Variants in DGKI observed in about 807,000 individuals in gnomAD.
DGKI encodes diacylglycerol kinase iota.
DGKI carries 55 observed loss-of-function variants against 147.5 expected under a neutral mutation model. The ratio of observed to expected loss-of-function variants is 0.37; its 90% CI spans 0.30 to 0.47. The LOEUF (loss-of-function observed/expected upper bound fraction) is 0.47, where lower values mean the gene tolerates loss of function less well. DGKI is among the 20% of genes least tolerant of loss of function. The pLI, the probability that DGKI is intolerant of heterozygous loss-of-function variation, is 1.00. For synonymous variants in DGKI, 469 were observed against 477.1 expected (o/e 0.98, Z 0.22); for missense variants, 1,007 against 1,323.8 (o/e 0.76, Z 3.71).
chr7:137,681,364 C>A (rs900251599), intron 2 of DGKI, among the ~76,000 whole-genome samples: 1 of 152,036 alleles, frequency 6.6e-6, no homozygotes, highest in African/African-American at 2.4e-5. Flanking sequence ...GGGTTCAGAC[C>A]CTAAAAGTTT....
chr7:137,548,276 C>T (rs992269907), intron 20 of DGKI, among the ~76,000 whole-genome samples: 5 of 152,088 alleles, frequency 3.3e-5, no homozygotes, highest in African/African-American at 1.2e-4. Context: ...AGATAGAGTT[C>T]AAAGAATGTA....
chr7:137,687,745 A>C (rs1585372036), intron 2 of DGKI, among the ~76,000 whole-genome samples: 1 of 152,176 alleles, frequency 6.6e-6, no homozygotes, highest in East Asian at 1.9e-4. Context: ...CTCCTTACAC[A>C]TCAGATCTCT....
chr7:137,474,423 C>A (rs1248707529), intron 23 of DGKI, among the ~76,000 whole-genome samples: 1 of 151,968 alleles, frequency 6.6e-6, no homozygotes, highest in African/African-American at 2.4e-5. Context: ...AAACAAGAAA[C>A]AAGAAAATCC....
intron 30 of DGKI, among the ~76,000 whole-genome samples, chr7:137,405,586 C>T (rs1037754432): frequency 2.6e-5 from 4 of 152,130 alleles, no homozygotes; most frequent in Non-Finnish European, 2.9e-5. Context: ...TTTCACAGCT[C>T]ATGCCATCAA....
intron 20 of DGKI, among the ~76,000 whole-genome samples, chr7:137,531,584 C>A (rs1029029243): frequency 2.0e-5 from 3 of 152,126 alleles, no homozygotes; most frequent in African/African-American, 7.2e-5. Flanking sequence ...ATTTAGATCT[C>A]ATGTGTTCAG....
intron 1 of DGKI, among the ~76,000 whole-genome samples, chr7:137,791,711 C>A (rs1796860564): frequency 6.6e-6 from 1 of 152,190 alleles, no homozygotes; most frequent in South Asian, 2.1e-4. Context: ...TAATTCCATT[C>A]CCTAACTCAT....
chr7:137,462,468 A>G (rs1294617478), intron 27 of DGKI, among the ~76,000 whole-genome samples: 1 of 152,200 alleles, frequency 6.6e-6, no homozygotes, highest in Non-Finnish European at 1.5e-5. Context: ...ATTAAAATGA[A>G]GTCTTCTGCC....
intron 29 of DGKI, among the ~76,000 whole-genome samples, chr7:137,409,886 G>A (rs372299343): frequency 6.7e-6 from 1 of 149,480 alleles, no homozygotes; most frequent in African/African-American, 2.4e-5. Context: ...CGCTCTCTTT[G>A]TCTCTCTCTC....
intron 5 of DGKI, among the ~76,000 whole-genome samples, chr7:137,652,257 C>T (rs187402309): frequency 3.2e-4 from 48 of 151,966 alleles, no homozygotes; most frequent in Non-Finnish European, 5.6e-4. Flanking sequence ...TATCCAAAAC[C>T]CTTATGGAAG....
In DGKI at chr7:137,645,508, C is replaced by A. The variant is rs773303437; in HGVS notation, c.768G>T (p.Arg256Ser). The A allele has an allele frequency of 5.0e-6, 8 of 1,612,640 alleles. No individual in the cohort carries two copies. The Admixed American group carries it at 1.2e-4, about 24-fold the overall frequency. Residue 256 changes from arginine to serine, a missense_variant, in exon 6 of 33, where the codon AGG (arginine) becomes AGT (serine). This residue lies in a region of DGKI where 259 missense variants were observed against 362.5 expected (regional missense o/e 0.71). Transcript: ENST00000614521. ...ENFVRHHWVHRRRQEGKCKQC... is the reference protein window; with the variant it reads ...ENFVRHHWVHSRRQEGKCKQC... ...GCTTACATTTCCCCTCCTGCCGACGCCTGTGCACCCAGTGATGACGTACAA... is the reference window on the plus strand; with the variant it reads ...GCTTACATTTCCCCTCCTGCCGACGACTGTGCACCCAGTGATGACGTACAA...
At chr7:137,589,751 A>G (rs899118086) in intron 12 of DGKI, among the ~76,000 whole-genome samples, 1 of 152,226 alleles carries the variant, frequency 6.6e-6, no homozygotes, top group African/African-American at 2.4e-5. Context: ...CCAGACTCAC[A>G]GACCCACCAG....
chr7:137,649,779 A>G (rs1308133030), intron 5 of DGKI, among the ~76,000 whole-genome samples: 1 of 148,404 alleles, frequency 6.7e-6, no homozygotes, highest in Non-Finnish European at 1.5e-5. Flanking sequence ...ATATGTATAT[A>G]TATATATATA....
intron 28 of DGKI, among the ~76,000 whole-genome samples, chr7:137,429,452 A>G (rs1252389134): frequency 2.6e-5 from 4 of 151,208 alleles, no homozygotes; most frequent in African/African-American, 9.7e-5. Context: ...TAAAAACCCT[A>G]GAAGAAAACC....
At chr7:137,597,464 CAT>C (rs1819836235) in intron 12 of DGKI, among the ~76,000 whole-genome samples, 1 of 151,024 alleles carries the variant, frequency 6.6e-6, no homozygotes, top group Non-Finnish European at 1.5e-5. Context: ...AAAAAAAAAA[CAT>C]AATAATTCAA....
chr7:137,745,073 T>C (rs1563178118), intron 1 of DGKI, among the ~76,000 whole-genome samples: 1 of 152,006 alleles, frequency 6.6e-6, no homozygotes, highest in Non-Finnish European at 1.5e-5. Context: ...AACAAATCTA[T>C]ACACGTGCCC....
At chr7:137,393,420 G>A (rs768168912) in intron 32 of DGKI, among the ~76,000 whole-genome samples, 5 of 152,106 alleles carry the variant, frequency 3.3e-5, no homozygotes, top group Non-Finnish European at 7.4e-5. Flanking sequence ...GATCTGAGTT[G>A]AGTGTAGGAC....
chr7:137,535,858 G>A (rs1363019309), intron 20 of DGKI, among the ~76,000 whole-genome samples: 1 of 152,128 alleles, frequency 6.6e-6, no homozygotes, highest in African/African-American at 2.4e-5. Flanking sequence ...CACTGTGGAT[G>A]TCAGCATGAC....
At chr7:137,444,684 C>T (rs1368128348) in intron 27 of DGKI, among the ~76,000 whole-genome samples, 13 of 152,172 alleles carry the variant, frequency 8.5e-5, no homozygotes. Flanking sequence ...TGAGGTTCCT[C>T]AGAACTTTAT....
intron 1 of DGKI, among the ~76,000 whole-genome samples, chr7:137,718,910 C>A (rs1174015875): frequency 3.3e-5 from 5 of 152,178 alleles, no homozygotes; most frequent in African/African-American, 1.2e-4. Flanking sequence ...ACAAACTTTT[C>A]AGTATGATGG....
Sources: allele counts gnomAD v4.1 joint callset (sites outside exome capture counted in the v4.1 genomes callset), GRCh38; gene constraint gnomAD v4.1.1; regional missense constraint gnomAD v4.1.1; transcripts MANE v1.5; gene names NCBI Gene and HGNC (gene_info 2026-07-23, HGNC 2026-07-21).